Variants in GPR39 observed in about 807,000 individuals in gnomAD.
The protein encoded by GPR39 is G protein-coupled receptor 39.
In GPR39, 23 loss-of-function variants were observed where a neutral mutation model predicts 18.4. That is an observed-to-expected ratio of 1.25 (90% CI 0.90 to 1.77). The LOEUF is 1.77. GPR39 is among the 40% of genes most tolerant of loss of function. GPR39 has a pLI of 0.00. For missense variants in GPR39, 647 were observed against 602.4 expected, an observed-to-expected ratio of 1.07 and a Z score of -0.78; for synonymous variants, 280 against 257.9, an observed-to-expected ratio of 1.09 and a Z score of -0.82.
chr2:132,529,393 G>C (rs1214040500), intron 1 of GPR39, among the ~76,000 whole-genome samples: 1 of 152,222 alleles, frequency 6.6e-6, no homozygotes, highest in Non-Finnish European at 1.5e-5. Flanking sequence ...AGCTCAAGGA[G>C]GCCTGCCTGC....
intron 1 of GPR39, among the ~76,000 whole-genome samples, chr2:132,451,143 G>A (rs1680624739): frequency 8.3e-6 from 1 of 121,172 alleles, no homozygotes; most frequent in Non-Finnish European, 1.8e-5. Context: ...TGCTATCTTT[G>A]AGGCTGTGTG....
chr2:132,606,937 C>T (rs866976452), intron 1 of GPR39, among the ~76,000 whole-genome samples: 1 of 152,174 alleles, frequency 6.6e-6, no homozygotes, highest in Non-Finnish European at 1.5e-5. Flanking sequence ...AGCAGAGGAC[C>T]CTGCCACTCT....
In GPR39 at chr2:132,591,362, C is replaced by T. The variant is rs1187263515; in HGVS notation, c.857-53739C>T. On this transcript the variant is annotated intron_variant, in intron 1 of 1. Transcript: ENST00000329321. The stretch of plus-strand genomic sequence containing the variant: ...TTCTCCCATGCTGGATGCTTCCTGC[C>T]CTTGAACACTGGACTCCAAGTTCTT... 2.6e-5 allele frequency among the ~76,000 whole-genome samples: 4 copies of T among 151,488 alleles called. No homozygotes were observed. The East Asian group carries it at 7.8e-4, about 29-fold the overall frequency.
intron 1 of GPR39, among the ~76,000 whole-genome samples, chr2:132,500,486 T>C (rs2104802807): frequency 6.6e-6 from 1 of 152,306 alleles, no homozygotes; most frequent in African/African-American, 2.4e-5. Flanking sequence ...TTTGCTAGTA[T>C]TTTGTTGAGG....
Position 132,557,602 on chromosome 2 carries a change from AG to A in GPR39, c.857-87498del, listed in dbSNP as rs1680176999. Among the ~76,000 whole-genome samples the A allele has an allele frequency of 4.0e-5, 6 of 151,826 alleles. No homozygotes were observed. The South Asian group carries it at 1.3e-3, about 32-fold the overall frequency. On this transcript the variant is annotated intron_variant, in intron 1 of 1. Coordinates refer to ENST00000329321, the MANE Select transcript of GPR39 (RefSeq NM_001508.3). ...AGCTGAAAGAAAGGATGAGAGAGAG[AG>A]AGAGAGAGAGAGAGAGACCCAAGGT... is the stretch of plus-strand genomic sequence containing the variant.
chr2:132,479,664 C>T (rs1364984951), intron 1 of GPR39, among the ~76,000 whole-genome samples: 1 of 152,164 alleles, frequency 6.6e-6, no homozygotes, highest in Non-Finnish European at 1.5e-5. Context: ...CCACCTCATA[C>T]CTGTTAGGAT....
intron 1 of GPR39, among the ~76,000 whole-genome samples, chr2:132,619,095 G>T (rs1379489457): frequency 6.6e-6 from 1 of 152,190 alleles, no homozygotes; most frequent in Admixed American, 6.5e-5. Context: ...TTTCCAGGGT[G>T]CTGGGTTCCT....
chr2:132,533,981 A>C (rs1455896655), intron 1 of GPR39, among the ~76,000 whole-genome samples: 1 of 152,224 alleles, frequency 6.6e-6, no homozygotes, highest in East Asian at 1.9e-4. Context: ...CAAAAGTCAA[A>C]ATTGACAGAT....
Position 132,629,587 on chromosome 2 carries a change from AG to A in GPR39, c.857-15511del, listed in dbSNP as rs1460312611. ...AACAACTAGAGTTTTGTAGCTGAAA[AG>A]GGCTGCAGAAATTGAAGACAACCTC... On this transcript the variant is annotated intron_variant, in intron 1 of 1. Coordinates refer to ENST00000329321, the MANE Select transcript of GPR39 (RefSeq NM_001508.3). 2.6e-5 allele frequency among the ~76,000 whole-genome samples: 4 copies of A among 152,342 alleles called. No homozygotes were observed. The East Asian group carries it at 7.7e-4, about 29-fold the overall frequency.
At chr2:132,623,397 A>C (rs1357365375) in intron 1 of GPR39, among the ~76,000 whole-genome samples, 2 of 152,240 alleles carry the variant, frequency 1.3e-5, no homozygotes, top group Non-Finnish European at 2.9e-5. Context: ...GGGCGCCTGA[A>C]GGGAAGGAGA....
intron 1 of GPR39, among the ~76,000 whole-genome samples, chr2:132,569,278 C>T (rs1680402204): frequency 6.6e-6 from 1 of 152,086 alleles, no homozygotes. Context: ...CAAGTTTTTC[C>T]TGTGGTCCCC....
At chr2:132,621,424 A>T (rs1043198965) in intron 1 of GPR39, among the ~76,000 whole-genome samples, 1 of 152,194 alleles carries the variant, frequency 6.6e-6, no homozygotes, top group East Asian at 1.9e-4. Flanking sequence ...AGCAGACCAC[A>T]CAGAGGGTGT....
rs1680905399 is a variant in GPR39, at chr2:132,465,199, G to T, written c.856+47301G>T. On this transcript the variant is annotated intron_variant, in intron 1 of 1. Transcript: ENST00000329321. ...GGTTAAAACAAAAGCAAAAAAAAAA[G>T]AAAGAAGTCCCTTTGTCCTGATCAG... Among the ~76,000 whole-genome samples the T allele has an allele frequency of 2.0e-5, 3 of 152,056 alleles. No individual in the cohort carries two copies. In the South Asian group the frequency reaches 6.2e-4, roughly 32 times the overall value.
At chr2:132,460,399 G>T (rs1414546410) in intron 1 of GPR39, among the ~76,000 whole-genome samples, 2 of 152,172 alleles carry the variant, frequency 1.3e-5, no homozygotes, top group Admixed American at 6.5e-5. Flanking sequence ...TGTCTGGGCT[G>T]GGGGAGAGGG....
chr2:132,436,934 G>T (rs926294501), intron 1 of GPR39, among the ~76,000 whole-genome samples: 1 of 152,166 alleles, frequency 6.6e-6, no homozygotes, highest in Non-Finnish European at 1.5e-5. Context: ...AGATCTTTTT[G>T]TATGCTCATT....
intron 1 of GPR39, among the ~76,000 whole-genome samples, chr2:132,505,942 G>A (rs1679127612): frequency 6.6e-6 from 1 of 152,146 alleles, no homozygotes; most frequent in African/African-American, 2.4e-5. Flanking sequence ...GGATCATATG[G>A]TAGTTCTAAT....
intron 1 of GPR39, among the ~76,000 whole-genome samples, chr2:132,531,662 G>C (rs1360689960): frequency 6.6e-6 from 1 of 152,198 alleles, no homozygotes; most frequent in Non-Finnish European, 1.5e-5. Context: ...TCAGACCACA[G>C]TGCAATCAAA....
intron 1 of GPR39, among the ~76,000 whole-genome samples, chr2:132,534,582 AC>A (rs567294383): frequency 0.013 from 1,889 of 150,910 alleles, 47 homozygotes; most frequent in African/African-American, 0.043. Flanking sequence ...AAGACTTGGA[AC>A]CAACCCAAAT....
At position 132,461,859 on chromosome 2, in the gene GPR39, A is replaced by C. The variant is rs112444482; in HGVS notation, c.856+43961A>C. 3.6e-3 allele frequency among the ~76,000 whole-genome samples: 543 copies of C among 152,272 alleles called. 3 individuals carry two copies. Among genetic ancestry groups the C allele is most frequent in the African/African-American group, 0.012 (498 of 41,556 alleles). On this transcript the variant is annotated intron_variant, in intron 1 of 1. Coordinates refer to ENST00000329321, the MANE Select transcript of GPR39 (RefSeq NM_001508.3). Reference sequence around the variant, plus strand: ...CTTGCTGTGCCGAGGGATTTGGAATACTCAGAACCACATGAGTCAGAGCCC... The same window carrying C: ...CTTGCTGTGCCGAGGGATTTGGAATCCTCAGAACCACATGAGTCAGAGCCC...
Sources: allele counts gnomAD v4.1 joint callset (sites outside exome capture counted in the v4.1 genomes callset), GRCh38; gene constraint gnomAD v4.1.1; transcripts MANE v1.5; gene names NCBI Gene and HGNC (gene_info 2026-07-23, HGNC 2026-07-21).